UNC5D: variants seen among roughly 807,000 people sequenced by gnomAD.
The protein encoded by UNC5D is unc-5 netrin receptor D, also known as netrin receptor UNC5D.
Under a neutral mutation model 105.4 loss-of-function variants are expected in UNC5D, and 39 were observed. The ratio of observed to expected loss-of-function variants is 0.37; its 90% confidence interval spans 0.29 to 0.48. The LOEUF is 0.48. UNC5D is among the 20% of genes least tolerant of loss of function. The pLI is 0.98. For missense variants in UNC5D, 991 were observed against 1,202.4 expected (o/e 0.82, Z 2.60); for synonymous variants, 452 against 450.4 (o/e 1.00, Z -0.04).
chr8:35,762,014 C>A (rs772264417), intron 14 of UNC5D, among the ~76,000 whole-genome samples: 20 of 152,160 alleles, frequency 1.3e-4, no homozygotes, highest in South Asian at 4.1e-4. Context: ...AAGAGAAAAT[C>A]ACACTATTCC....
intron 3 of UNC5D, among the ~76,000 whole-genome samples, chr8:35,592,434 G>GT (rs1188513760): frequency 7.9e-5 from 12 of 152,064 alleles, no homozygotes; most frequent in African/African-American, 2.4e-4. Flanking sequence ...GTTCCTGTCC[G>GT]TTTCTTTCAA....
chr8:35,269,417 C>T (rs985193933), intron 1 of UNC5D, among the ~76,000 whole-genome samples: 7 of 152,168 alleles, frequency 4.6e-5, no homozygotes, highest in Non-Finnish European at 1.0e-4. Flanking sequence ...AGATCCAGTT[C>T]AAATGCTCGC....
chr8:35,755,208 A>G (rs555849811), intron 13 of UNC5D, among the ~76,000 whole-genome samples: 69 of 152,300 alleles, frequency 4.5e-4, no homozygotes, highest in Non-Finnish European at 4.1e-4. Context: ...TTGACATAGG[A>G]AAGCAAGGAA....
chr8:35,774,528 CAT>C (rs778296562), intron 16 of UNC5D, 51 bp downstream of exon 16: 2 of 1,598,012 alleles, frequency 1.3e-6, no homozygotes, highest in African/African-American at 1.3e-5. Flanking sequence ...AACTTGGAAA[CAT>C]AAAGTGGGCT....
At chr8:35,269,594 T>C (rs1805133173) in intron 1 of UNC5D, among the ~76,000 whole-genome samples, 1 of 152,230 alleles carries the variant, frequency 6.6e-6, no homozygotes, top group Non-Finnish European at 1.5e-5. Context: ...GCAAAGGCCA[T>C]TAACCATATT....
chr8:35,592,475 T>C (rs1178102108), intron 3 of UNC5D, among the ~76,000 whole-genome samples: 1 of 152,194 alleles, frequency 6.6e-6, no homozygotes, highest in Non-Finnish European at 1.5e-5. Flanking sequence ...GATTAAAGTG[T>C]TCAGATTGCC....
At chr8:35,630,560 G>A (rs1347690691) in intron 4 of UNC5D, among the ~76,000 whole-genome samples, 1 of 152,146 alleles carries the variant, frequency 6.6e-6, no homozygotes, top group African/African-American at 2.4e-5. Context: ...AGTGAAGTGT[G>A]TTTGACCCTG....
intron 1 of UNC5D, among the ~76,000 whole-genome samples, chr8:35,335,957 G>C (rs1472463252): frequency 6.6e-6 from 1 of 151,818 alleles, no homozygotes; most frequent in African/African-American, 2.4e-5. Flanking sequence ...TAGAGACGGG[G>C]TTTCACCGTG....
intron 1 of UNC5D, among the ~76,000 whole-genome samples, chr8:35,315,582 C>G (rs1809236850): frequency 6.6e-6 from 1 of 152,156 alleles, no homozygotes; most frequent in Admixed American, 6.5e-5. Context: ...GCTAACTCCT[C>G]TTTAGCCAGA....
chr8:35,447,676 T>C (rs1008558038), intron 1 of UNC5D, among the ~76,000 whole-genome samples: 1 of 152,096 alleles, frequency 6.6e-6, no homozygotes, highest in African/African-American at 2.4e-5. Flanking sequence ...CAACATATTT[T>C]ATTAAAACAG....
At chr8:35,543,567 A>G (rs955203316) in intron 1 of UNC5D, among the ~76,000 whole-genome samples, 2 of 152,186 alleles carry the variant, frequency 1.3e-5, no homozygotes, top group African/African-American at 4.8e-5. Context: ...TTGGAATTTT[A>G]GTTGTTAAAT....
intron 1 of UNC5D, among the ~76,000 whole-genome samples, chr8:35,432,256 T>A (rs924628125): frequency 5.3e-5 from 8 of 152,174 alleles, no homozygotes; most frequent in African/African-American, 1.9e-4. Context: ...ATTTGGCACA[T>A]AGAAAAACCT....
intron 1 of UNC5D, among the ~76,000 whole-genome samples, chr8:35,347,602 G>T (rs1436093292): frequency 6.6e-6 from 1 of 151,854 alleles, no homozygotes; most frequent in Non-Finnish European, 1.5e-5. Context: ...TTAGGATTTG[G>T]TTGGAAGGTA....
intron 4 of UNC5D, among the ~76,000 whole-genome samples, chr8:35,636,002 C>T (rs1406303712): frequency 6.6e-6 from 1 of 152,048 alleles, no homozygotes; most frequent in Non-Finnish European, 1.5e-5. Context: ...GCAGAAATCT[C>T]GGGAGATCTT....
In UNC5D at chr8:35,598,687, A is replaced by T. The variant is rs536178004; in HGVS notation, c.570+3030A>T. Among the ~76,000 whole-genome samples, 3 of 152,368 alleles carry T rather than the reference A, an allele frequency of 2.0e-5. No homozygotes were observed. The South Asian group carries it at 6.2e-4, about 32-fold the overall frequency. ...CCATCAATGGACAAATGAATTTTAA[A>T]AATGTGTTATGCACACACAATGGAA... On this transcript the variant is annotated intron_variant, in intron 4 of 16. Coordinates refer to ENST00000404895, the MANE Select transcript of UNC5D (RefSeq NM_080872.4).
At chr8:35,458,507 G>A (rs1808649464) in intron 1 of UNC5D, among the ~76,000 whole-genome samples, 1 of 152,016 alleles carries the variant, frequency 6.6e-6, no homozygotes, top group Admixed American at 6.6e-5. Flanking sequence ...TTAATTAATA[G>A]CATCTAAAGG....
chr8:35,659,667 A>G (rs1298764012), intron 4 of UNC5D, among the ~76,000 whole-genome samples: 2 of 152,246 alleles, frequency 1.3e-5, no homozygotes, highest in East Asian at 1.9e-4. Context: ...CTCATGCAGC[A>G]TCTTGAAGGT....
intron 1 of UNC5D, among the ~76,000 whole-genome samples, chr8:35,325,282 T>C (rs1390907045): frequency 1.3e-5 from 2 of 152,200 alleles, no homozygotes; most frequent in Non-Finnish European, 2.9e-5. Flanking sequence ...AACATGCTAG[T>C]AATTATTTTT....
intron 1 of UNC5D, among the ~76,000 whole-genome samples, chr8:35,536,228 C>G (rs1814824676): frequency 6.6e-6 from 1 of 152,204 alleles, no homozygotes; most frequent in African/African-American, 2.4e-5. Context: ...ACTGTCAAAT[C>G]AAATCAGGGC....
Sources: gnomAD v4.1 joint callset for allele counts (sites outside exome capture counted in the v4.1 genomes callset) on GRCh38, gnomAD v4.1.1 for gene constraint, MANE v1.5 for transcripts, NCBI Gene and HGNC (gene_info 2026-07-23, HGNC 2026-07-21) for gene names.